Variants in PPP2R2C observed in about 807,000 individuals in gnomAD.
The protein encoded by PPP2R2C is protein phosphatase 2 regulatory subunit Bgamma.
In PPP2R2C, 10 loss-of-function variants were observed where a neutral mutation model predicts 45.3. The observed-to-expected ratio is 0.22, with a 90% CI of 0.14 to 0.37. The LOEUF (loss-of-function observed/expected upper bound fraction) is 0.37, where lower values mean the gene tolerates loss of function less well. Ranked by LOEUF, PPP2R2C falls within the 10% of genes least tolerant of loss-of-function variation. The probability of loss-of-function intolerance (pLI) is 1.00; values close to 1 mark genes in which losing one functional copy is unlikely to be tolerated. For synonymous variants in PPP2R2C, 257 were observed against 245.4 expected (o/e 1.05, Z -0.44); for missense variants, 308 against 619.7 (o/e 0.50, Z 5.34).
At chr4:6,456,104 G>A (rs1281695408) in intron 1 of PPP2R2C, among the ~76,000 whole-genome samples, 1 of 152,188 alleles carries the variant, frequency 6.6e-6, no homozygotes, top group Admixed American at 6.5e-5. Flanking sequence ...GTTATTGAAT[G>A]AATAATAATA....
rs1208692942 is a variant in PPP2R2C at position 6,348,015 on chromosome 4, G to A, written c.626-5C>T. The A allele has an allele frequency of 6.2e-7, 1 of 1,613,390 alleles. No individual in the cohort carries two copies. The highest frequency in any genetic ancestry group is 1.7e-5 in the Admixed American group (1 of 59,970). Reference sequence around the variant, plus strand: ...CCGGCTTGATGTCCACGATGTCTGGGGGCAGTGCGGTCAAGGAAGGGGCAG... The same window carrying A: ...CCGGCTTGATGTCCACGATGTCTGGAGGCAGTGCGGTCAAGGAAGGGGCAG... On this transcript the variant is annotated splice_region_variant and splice_polypyrimidine_tract_variant and intron_variant, in intron 5 of 8. Transcript: ENST00000382599.
intron 2 of PPP2R2C, among the ~76,000 whole-genome samples, chr4:6,531,240 G>C (rs934595108): frequency 1.3e-5 from 2 of 152,212 alleles, no homozygotes; most frequent in African/African-American, 4.8e-5. Context: ...CACCCACCAA[G>C]TCTCATGTTC....
intron 1 of PPP2R2C, among the ~76,000 whole-genome samples, chr4:6,444,702 G>A (rs2108738159): frequency 6.6e-6 from 1 of 152,336 alleles, no homozygotes; most frequent in South Asian, 2.1e-4. Flanking sequence ...AGAATCATGA[G>A]ACAAAAAGGC....
rs1159836094 is a variant in PPP2R2C at position 6,382,600 on chromosome 4, G to A, written c.71-1506C>T. ...ACAGCTCTATTGTTCACTTGCTCAG[G>A]CCCAAGCCTTGGAGTTTCTCGTTCT... On this transcript the variant is annotated intron_variant, in intron 1 of 8. Coordinates refer to ENST00000382599, the MANE Select transcript of PPP2R2C (RefSeq NM_020416.4). 6.1e-6 allele frequency: 7 copies of A among 1,142,724 alleles called. No individual in the cohort carries two copies. In the South Asian group the frequency reaches 6.8e-5, roughly 11 times the overall value. The allele number at this position is 1,142,724 out of a possible 1,614,324, so 70.8% of individuals were successfully genotyped here.
chr4:6,371,486 G>A (rs1455509685), intron 5 of PPP2R2C, among the ~76,000 whole-genome samples: 3 of 152,148 alleles, frequency 2.0e-5, no homozygotes, highest in Non-Finnish European at 4.4e-5. Flanking sequence ...GCCTGGAGTC[G>A]GGAGGCCATC....
intron 2 of PPP2R2C, among the ~76,000 whole-genome samples, chr4:6,532,580 C>A (rs922370490): frequency 2.5e-4 from 38 of 152,212 alleles, no homozygotes; most frequent in Admixed American, 6.5e-5. Context: ...AATGCACATT[C>A]CACTCTGCGT....
At chr4:6,437,988 G>T (rs1719974732) in intron 1 of PPP2R2C, among the ~76,000 whole-genome samples, 1 of 152,234 alleles carries the variant, frequency 6.6e-6, no homozygotes, top group Non-Finnish European at 1.5e-5. Context: ...CCGTGGGGCT[G>T]CTGGCTTACT....
At chr4:6,367,855 A>T (rs1714468069) in intron 5 of PPP2R2C, among the ~76,000 whole-genome samples, 1 of 152,142 alleles carries the variant, frequency 6.6e-6, no homozygotes, top group South Asian at 2.1e-4. Context: ...TTCCATGGCC[A>T]CCATGTGCCC....
intron 1 of PPP2R2C, among the ~76,000 whole-genome samples, chr4:6,458,279 A>G (rs538268737): frequency 6.6e-6 from 1 of 152,354 alleles, no homozygotes; most frequent in East Asian, 1.9e-4. Context: ...ATAACAAAAT[A>G]TCATAGACCG....
chr4:6,468,497 G>A (rs866003506), intron 1 of PPP2R2C, among the ~76,000 whole-genome samples: 13 of 152,198 alleles, frequency 8.5e-5, no homozygotes, highest in African/African-American at 3.1e-4. Flanking sequence ...TGGCTGAGAT[G>A]CTCAAACAAG....
chr4:6,390,234 T>G (rs57490208), intron 1 of PPP2R2C, among the ~76,000 whole-genome samples: 35,524 of 151,456 alleles, frequency 0.23, 4,607 homozygotes, highest in African/African-American at 0.36. Context: ...AGGCTGGGGG[T>G]GCACACACTG....
rs557601621 is a variant in PPP2R2C at position 6,331,593 on chromosome 4, G to T, written c.960+1969C>A. Reference sequence around the variant, plus strand: ...TTCTGGGGAAGATTTTACAATCACAGTGAAACACGCAACAGACCCCAGGGG... The same window carrying T: ...TTCTGGGGAAGATTTTACAATCACATTGAAACACGCAACAGACCCCAGGGG... On this transcript the variant is annotated intron_variant, in intron 7 of 8. Coordinates refer to ENST00000382599, the MANE Select transcript of PPP2R2C (RefSeq NM_020416.4). The surrounding 1 kb of genome is among the most constrained non-coding windows in gnomAD (Gnocchi z 5.9). Among the ~76,000 whole-genome samples, 1 of 152,294 alleles carries T rather than the reference G, an allele frequency of 6.6e-6. No homozygotes were observed. The highest frequency in any genetic ancestry group is 2.4e-5 in the African/African-American group (1 of 41,564).
At chr4:6,468,141 G>A (rs892825544) in intron 1 of PPP2R2C, among the ~76,000 whole-genome samples, 1 of 152,218 alleles carries the variant, frequency 6.6e-6, no homozygotes, top group African/African-American at 2.4e-5. Flanking sequence ...CCATAAGGGT[G>A]CAGATTTCAC....
At chr4:6,387,373 T>C (rs1040025222) in intron 1 of PPP2R2C, among the ~76,000 whole-genome samples, 6 of 152,094 alleles carry the variant, frequency 3.9e-5, no homozygotes, top group African/African-American at 1.4e-4. Context: ...AAAAACAACA[T>C]ATTACATTCA....
In PPP2R2C at chr4:6,327,609, G is replaced by C. The variant is rs1732052910; in HGVS notation, c.1052+1653C>G. 2.6e-5 allele frequency among the ~76,000 whole-genome samples: 4 copies of C among 152,216 alleles called. No homozygotes were observed. In the South Asian group the frequency reaches 8.3e-4, roughly 32 times the overall value. ...ACCCTCTTGGGACCCACTGCACCAG[G>C]GAACCCCAAATGCAGCTCAGCAGCA... On this transcript the variant is annotated intron_variant, in intron 8 of 8. Coordinates refer to ENST00000382599, the MANE Select transcript of PPP2R2C (RefSeq NM_020416.4).
intron 1 of PPP2R2C, among the ~76,000 whole-genome samples, chr4:6,417,790 A>G (rs1718693589): frequency 6.6e-6 from 1 of 152,242 alleles, no homozygotes; most frequent in African/African-American, 2.4e-5. Flanking sequence ...GGTCACTCAG[A>G]GGACGGCCCT....
At chr4:6,346,996 G>T (rs2109222443) in intron 6 of PPP2R2C, among the ~76,000 whole-genome samples, 1 of 152,360 alleles carries the variant, frequency 6.6e-6, no homozygotes, top group African/African-American at 2.4e-5. Flanking sequence ...TGCTAGCCCT[G>T]CAGGGCTGTC....
chr4:6,354,653 A>AC (rs560882404), intron 5 of PPP2R2C, among the ~76,000 whole-genome samples: 802 of 74,020 alleles, frequency 0.011, 12 homozygotes, highest in African/African-American at 0.04. Context: ...TTTGCCCCCC[A>AC]CCCCCACCCC....
intron 1 of PPP2R2C, among the ~76,000 whole-genome samples, chr4:6,456,116 C>G (rs1057337179): frequency 6.6e-6 from 1 of 152,190 alleles, no homozygotes; most frequent in African/African-American, 2.4e-5. Flanking sequence ...ATAATAATAC[C>G]TACATCGTGA....
Sources: gnomAD v4.1 joint callset for allele counts (sites outside exome capture counted in the v4.1 genomes callset) on GRCh38, gnomAD v4.1.1 for gene constraint, Gnocchi (gnomAD v3.1) non-coding constraint, MANE v1.5 for transcripts, NCBI Gene and HGNC (gene_info 2026-07-23, HGNC 2026-07-21) for gene names.